Variants in CADPS observed in about 807,000 individuals in gnomAD.
CADPS encodes the protein calcium-dependent secretion activator 1.
In CADPS, 57 loss-of-function variants were observed where a neutral mutation model predicts 167.3. The observed-to-expected ratio is 0.34, with a 90% CI of 0.28 to 0.42. The LOEUF is 0.42. Among genes scored for constraint, CADPS ranks in the 20% least tolerant of loss-of-function variants. The probability of loss-of-function intolerance (pLI) is 1.00; values close to 1 mark genes in which losing one functional copy is unlikely to be tolerated. For synonymous variants in CADPS, 676 were observed against 635.3 expected (o/e 1.06, Z -0.96); for missense variants, 1,414 against 1,738.1 (o/e 0.81, Z 3.32).
chr3:62,634,218 C>T (rs1282693853), intron 6 of CADPS, among the ~76,000 whole-genome samples: 6 of 152,040 alleles, frequency 3.9e-5, no homozygotes, highest in Non-Finnish European at 4.4e-5. Context: ...CTTTACTTTT[C>T]TGCTTTGCAT....
intron 9 of CADPS, among the ~76,000 whole-genome samples, chr3:62,566,528 G>C (rs1223094409): frequency 1.3e-5 from 2 of 152,178 alleles, no homozygotes; most frequent in Non-Finnish European, 2.9e-5. Flanking sequence ...TTCAAAGGGA[G>C]TGTGTTTTTT....
In CADPS at chr3:62,478,426, C is replaced by A; in HGVS notation, c.3174-10G>T. On this transcript the variant is annotated splice_polypyrimidine_tract_variant and intron_variant, in intron 22 of 29. Transcript: ENST00000383710. This position sits in a 1 kb window ranked among gnomAD's most constrained non-coding sequence, Gnocchi z 5.7. ...GGTGCCTGACCCATTACTGGCAGGA[C>A]AAAAATTAGAAAATGAGAGTCACCC... 3.1e-6 allele frequency: 5 copies of A among 1,611,506 alleles called. No homozygotes were observed. Among genetic ancestry groups the A allele is most frequent in the Non-Finnish European group, 4.2e-6 (5 of 1,178,692 alleles).
rs541070548 is a variant in CADPS at position 62,704,879 on chromosome 3, G to T, written c.889-42485C>A. Among the ~76,000 whole-genome samples the T allele has an allele frequency of 3.9e-5, 6 of 152,142 alleles. No homozygotes were observed. The South Asian group carries it at 1.2e-3, about 32-fold the overall frequency. On this transcript the variant is annotated intron_variant, in intron 3 of 29. Coordinates refer to ENST00000383710, the MANE Select transcript of CADPS (RefSeq NM_003716.4). ...CAATTAACGAATCACAGCATGGAAA[G>T]ATCTCTTTCCCTCTCTTTGTTGTAT...
At chr3:62,479,280 T>C (rs1356053303) in intron 22 of CADPS, among the ~76,000 whole-genome samples, 1 of 152,190 alleles carries the variant, frequency 6.6e-6, no homozygotes, top group African/African-American at 2.4e-5. Flanking sequence ...TGAAAAATGC[T>C]CCATCTCTCA....
At chr3:62,578,673 T>C (rs528751508) in intron 8 of CADPS, among the ~76,000 whole-genome samples, 31 of 149,482 alleles carry the variant, frequency 2.1e-4, no homozygotes, top group Non-Finnish European at 3.7e-4. Context: ...ATAACAAAGC[T>C]TCAGAATATA....
chr3:62,596,885 G>T (rs2059016888), intron 6 of CADPS, among the ~76,000 whole-genome samples: 1 of 152,132 alleles, frequency 6.6e-6, no homozygotes, highest in African/African-American at 2.4e-5. Flanking sequence ...GACACTCAAA[G>T]ATCTTGCCTA....
At chr3:62,546,481 A>C (rs1207866271) in intron 11 of CADPS, among the ~76,000 whole-genome samples, 2 of 152,140 alleles carry the variant, frequency 1.3e-5, no homozygotes, top group Non-Finnish European at 2.9e-5. Flanking sequence ...TGATCTATTT[A>C]GTACTGACGG....
At position 62,579,471 on chromosome 3, in the gene CADPS, A is replaced by G. The variant is rs1267982608; in HGVS notation, c.1577+5714T>C. ...AAGACAGACAACAAACTAATAAATA[A>G]AGAAGTATATGATATACATGATAAG... On this transcript the variant is annotated intron_variant, in intron 8 of 29. Coordinates refer to ENST00000383710, the MANE Select transcript of CADPS (RefSeq NM_003716.4). Among the ~76,000 whole-genome samples, 6 of 152,236 alleles carry G rather than the reference A, an allele frequency of 3.9e-5. No homozygotes were observed. The East Asian group carries it at 5.8e-4, about 15-fold the overall frequency.
At chr3:62,525,713 G>A (rs1455821418) in intron 13 of CADPS, among the ~76,000 whole-genome samples, 2 of 151,434 alleles carry the variant, frequency 1.3e-5, no homozygotes, top group Non-Finnish European at 2.9e-5. Flanking sequence ...GTATGTGTGT[G>A]TGTCTGTGTG....
intron 1 of CADPS, among the ~76,000 whole-genome samples, chr3:62,782,971 G>A (rs1281340196): frequency 6.6e-6 from 1 of 152,062 alleles, no homozygotes; most frequent in African/African-American, 2.4e-5. Flanking sequence ...TGTTGGCCAG[G>A]CTGGTCTCAA....
intron 6 of CADPS, among the ~76,000 whole-genome samples, chr3:62,643,438 A>G (rs1485812684): frequency 1.3e-5 from 2 of 152,226 alleles, no homozygotes; most frequent in East Asian, 1.9e-4. Context: ...TTCTTACTGG[A>G]AAAGCAAAAT....
intron 6 of CADPS, among the ~76,000 whole-genome samples, chr3:62,634,950 T>C (rs977688020): frequency 6.6e-6 from 1 of 152,186 alleles, no homozygotes; most frequent in Non-Finnish European, 1.5e-5. Flanking sequence ...TAGCATCTTA[T>C]GCACTTCTCT....
chr3:62,612,423 C>T (rs1361978857), intron 6 of CADPS, among the ~76,000 whole-genome samples: 1 of 152,186 alleles, frequency 6.6e-6, no homozygotes, highest in Non-Finnish European at 1.5e-5. Flanking sequence ...CTAAGAATTT[C>T]CTCTCCAGCT....
chr3:62,750,162 G>A (rs2082371087), intron 3 of CADPS, among the ~76,000 whole-genome samples: 2 of 151,658 alleles, frequency 1.3e-5, no homozygotes, highest in African/African-American at 2.4e-5. Context: ...AACCAGCCTG[G>A]CCAACATGGA....
At chr3:62,529,012 T>A (rs1173657071) in intron 13 of CADPS, among the ~76,000 whole-genome samples, 1 of 151,824 alleles carries the variant, frequency 6.6e-6, no homozygotes, top group East Asian at 1.9e-4. Flanking sequence ...TACAAAAAAA[T>A]TAGCGGGGCG....
At chr3:62,858,058 A>G (rs764847228) in intron 1 of CADPS, among the ~76,000 whole-genome samples, 7 of 152,186 alleles carry the variant, frequency 4.6e-5, no homozygotes, top group Non-Finnish European at 8.8e-5. Context: ...TTCCTGTTCT[A>G]AAGAGAAATA....
intron 27 of CADPS, among the ~76,000 whole-genome samples, chr3:62,444,641 A>T (rs943566176): frequency 1.3e-5 from 2 of 152,246 alleles, no homozygotes; most frequent in Non-Finnish European, 2.9e-5. Flanking sequence ...AGGAAGTATC[A>T]TATAAATTCA....
chr3:62,571,733 T>C (rs919394671), intron 8 of CADPS, among the ~76,000 whole-genome samples: 5 of 152,034 alleles, frequency 3.3e-5, no homozygotes, highest in Non-Finnish European at 7.4e-5. Context: ...CTTGGCTAAT[T>C]TTGTATTTTT....
In CADPS at chr3:62,420,896, AC is replaced by A. The variant is rs1560145135; in HGVS notation, c.3777+17207del. ...CACACACACACACACACACACACACACACACAGGCACACACACACACACTTG... is the reference window on the plus strand; with the variant it reads ...CACACACACACACACACACACACACAACACAGGCACACACACACACACTTG... On this transcript the variant is annotated intron_variant, in intron 28 of 29. Transcript: ENST00000383710. The surrounding 1 kb of genome is among the most constrained non-coding windows in gnomAD (Gnocchi z 4.1). 2.5e-5 allele frequency among the ~76,000 whole-genome samples: 3 copies of A among 121,516 alleles called. No homozygotes were observed. Among genetic ancestry groups the A allele is most frequent in the Non-Finnish European group, 4.9e-5 (3 of 61,556 alleles). 79.7% of individuals were successfully genotyped at this position (121,516 alleles called of 152,430 possible).
Sources: gnomAD v4.1 joint callset for allele counts (sites outside exome capture counted in the v4.1 genomes callset) on GRCh38, gnomAD v4.1.1 for gene constraint, Gnocchi (gnomAD v3.1) non-coding constraint, MANE v1.5 for transcripts, NCBI Gene and HGNC (gene_info 2026-07-23, HGNC 2026-07-21) for gene names.